The following RABGAP1L variants were observed in gnomAD, a reference collection of about 807,000 sequenced individuals.
RABGAP1L encodes RAB GTPase activating protein 1 like, also known as rab GTPase-activating protein 1-like.
A neutral mutation model predicts 137.7 loss-of-function variants in RABGAP1L; 63 were observed. That is an observed-to-expected ratio of 0.46 (90% confidence interval 0.37 to 0.56). The LOEUF (loss-of-function observed/expected upper bound fraction) is 0.56. Ranked by LOEUF, RABGAP1L falls within the 20% of genes least tolerant of loss-of-function variation. RABGAP1L has a pLI of 0.00. For missense variants in RABGAP1L, 1,095 were observed against 1,244.0 expected, an observed-to-expected ratio of 0.88 and a Z score of 1.80; for synonymous variants, 431 against 433.7, an observed-to-expected ratio of 0.99 and a Z score of 0.08.
chr1:174,806,622 CAAT>C (rs1689324809), intron 18 of RABGAP1L, among the ~76,000 whole-genome samples: 1 of 152,102 alleles, frequency 6.6e-6, no homozygotes, highest in South Asian at 2.1e-4. Flanking sequence ...AAAGTAACAA[CAAT>C]AATAACAATA....
intron 13 of RABGAP1L, among the ~76,000 whole-genome samples, chr1:174,400,002 A>G (rs1648364236): frequency 6.6e-6 from 1 of 152,160 alleles, no homozygotes; most frequent in Non-Finnish European, 1.5e-5. Context: ...GTAGTCTACC[A>G]TTTAAATCTA....
chr1:174,409,317 A>C (rs1649634766), intron 13 of RABGAP1L, among the ~76,000 whole-genome samples: 1 of 152,146 alleles, frequency 6.6e-6, no homozygotes, highest in Non-Finnish European at 1.5e-5. Context: ...ATGGACATTT[A>C]TCAGTCCCCA....
In RABGAP1L at chr1:174,734,703, A is replaced by G. The variant is rs183230764; in HGVS notation, c.2170-17610A>G. Among the ~76,000 whole-genome samples, 100 of 152,314 alleles carry G rather than the reference A, an allele frequency of 6.6e-4. 2 individuals are homozygous for G. Among genetic ancestry groups the G allele is most frequent in the Admixed American group, 6.4e-3 (98 of 15,296 alleles). On this transcript the variant is annotated intron_variant, in intron 17 of 25. Transcript: ENST00000681986. ...AACTCTTTACTTTTCCACTGGGACC[A>G]TGTGCCAGATCATTCTTTATGCCAT...
intron 13 of RABGAP1L, among the ~76,000 whole-genome samples, chr1:174,585,981 T>A (rs1669082235): frequency 6.6e-6 from 1 of 152,166 alleles, no homozygotes; most frequent in Non-Finnish European, 1.5e-5. Context: ...CCTTGAAGAT[T>A]TAGAAATGGA....
chr1:174,453,853 T>C (rs1469965194), intron 13 of RABGAP1L, among the ~76,000 whole-genome samples: 1 of 152,230 alleles, frequency 6.6e-6, no homozygotes, highest in African/African-American at 2.4e-5. Flanking sequence ...AAGTGTTTTT[T>C]TAAAATATTA....
intron 19 of RABGAP1L, among the ~76,000 whole-genome samples, chr1:174,878,680 C>T (rs1157148857): frequency 6.6e-6 from 1 of 151,844 alleles, no homozygotes; most frequent in East Asian, 1.9e-4. Context: ...ACCTTAAAAA[C>T]ATGGCTATTT....
At chr1:174,550,988 A>ATATATATATATATATATG (rs1394393682) in intron 13 of RABGAP1L, among the ~76,000 whole-genome samples, 5 of 100,402 alleles carry the variant, frequency 5.0e-5, no homozygotes, top group African/African-American at 2.5e-4. Context: ...ATATACATAT[A>ATATATATATATATATATG]TATATATACA....
chr1:174,421,941 G>GT (rs2149167094), intron 13 of RABGAP1L, among the ~76,000 whole-genome samples: 1 of 152,154 alleles, frequency 6.6e-6, no homozygotes, highest in Non-Finnish European at 1.5e-5. Flanking sequence ...GCTAATTTTT[G>GT]TATTTTTAGT....
intron 18 of RABGAP1L, among the ~76,000 whole-genome samples, chr1:174,759,917 A>C (rs1369527734): frequency 3.3e-5 from 5 of 152,228 alleles, no homozygotes. Flanking sequence ...CCCTACCTTC[A>C]ACATTGGGGA....
intron 13 of RABGAP1L, among the ~76,000 whole-genome samples, chr1:174,442,251 A>ATATTG (rs59942569): frequency 0.58 from 87,544 of 151,196 alleles, 27,617 homozygotes; most frequent in African/African-American, 0.85. Context: ...GTACTAGAGA[A>ATATTG]TATCTGATTT....
intron 19 of RABGAP1L, among the ~76,000 whole-genome samples, chr1:174,864,175 A>G (rs946424205): frequency 1.3e-5 from 2 of 152,190 alleles, no homozygotes; most frequent in African/African-American, 2.4e-5. Context: ...TCAGAAGCTC[A>G]TCTGAGCTAA....
At chr1:174,465,922 T>C (rs942469197) in intron 13 of RABGAP1L, among the ~76,000 whole-genome samples, 5 of 152,184 alleles carry the variant, frequency 3.3e-5, no homozygotes, top group Admixed American at 6.5e-5. Context: ...ACTACATCAG[T>C]GAGGGAACTA....
intron 13 of RABGAP1L, among the ~76,000 whole-genome samples, chr1:174,542,170 A>G (rs191301937): frequency 2.0e-5 from 3 of 152,274 alleles, no homozygotes; most frequent in African/African-American, 7.2e-5. Context: ...AAGGAATGGT[A>G]CCAGTTCCTC....
chr1:174,903,409 A>G (rs559523673), intron 19 of RABGAP1L, among the ~76,000 whole-genome samples: 2 of 152,320 alleles, frequency 1.3e-5, no homozygotes, highest in South Asian at 2.1e-4. Context: ...TTCTTTTAAT[A>G]CAGATAATGC....
intron 19 of RABGAP1L, chr1:174,897,327 G>C (rs1657373633): frequency 6.6e-6 from 1 of 152,202 alleles, no homozygotes; most frequent in South Asian, 2.1e-4. Flanking sequence ...TTAGCTTGAG[G>C]AGATTTTGGG....
intron 19 of RABGAP1L, among the ~76,000 whole-genome samples, chr1:174,840,676 C>T (rs943514822): frequency 7.3e-5 from 11 of 150,264 alleles, no homozygotes; most frequent in African/African-American, 2.7e-4. Flanking sequence ...TTTAGCTGGG[C>T]GTGGTGGCAG....
intron 17 of RABGAP1L, among the ~76,000 whole-genome samples, chr1:174,741,266 G>A (rs940092125): frequency 6.6e-6 from 1 of 152,072 alleles, no homozygotes; most frequent in Non-Finnish European, 1.5e-5. Context: ...TATATGGTGA[G>A]ATAATGGTCC....
chr1:174,576,307 G>A (rs1350942442), intron 13 of RABGAP1L, among the ~76,000 whole-genome samples: 3 of 152,144 alleles, frequency 2.0e-5, no homozygotes, highest in Non-Finnish European at 4.4e-5. Context: ...CGCCCCTCAT[G>A]CGTCCGTTTA....
chr1:174,295,216 CTT>C (rs1186475150), intron 10 of RABGAP1L, among the ~76,000 whole-genome samples: 24 of 136,772 alleles, frequency 1.8e-4, no homozygotes, highest in Admixed American at 2.2e-4. Flanking sequence ...TGCGCCCGGA[CTT>C]TTTTTTTTTT....
Sources: gnomAD v4.1 joint callset for allele counts (sites outside exome capture counted in the v4.1 genomes callset) on GRCh38, gnomAD v4.1.1 for gene constraint, MANE v1.5 for transcripts, NCBI Gene and HGNC (gene_info 2026-07-23, HGNC 2026-07-21) for gene names.